The following KLF12 variants were observed in gnomAD, a reference collection of about 807,000 sequenced individuals.
KLF12 encodes KLF transcription factor 12.
A neutral mutation model predicts 37.8 loss-of-function variants in KLF12; 9 were observed. That is an observed-to-expected ratio of 0.24 (90% CI 0.14 to 0.42). KLF12 has a LOEUF of 0.42. Among genes scored for constraint, KLF12 ranks in the 10% least tolerant of loss-of-function variants. The pLI is 1.00. For missense variants in KLF12, 411 were observed against 516.0 expected (o/e 0.80, Z 1.97); for synonymous variants, 208 against 202.1 (o/e 1.03, Z -0.25).
chr13:74,191,324 C>G, the KLF12 span, among the ~76,000 whole-genome samples: 1 of 152,192 alleles, frequency 6.6e-6, no homozygotes, highest in Non-Finnish European at 1.5e-5. Context: ...GTTGCCTTAT[C>G]ACAAGATAGG....
rs1002255514 is a variant in KLF12 at position 73,790,216 on chromosome 13, G to C, written c.806+22936C>G. On this transcript the variant is annotated intron_variant, in intron 5 of 7. Transcript: ENST00000377669. ...CAATTCATAGTAGCTTCCAAAAACA[G>C]GTTGCAAATGTCTATGTCTGACTTT... Among the ~76,000 whole-genome samples, 15 of 152,244 alleles carry C rather than the reference G, an allele frequency of 9.9e-5. No individual in the cohort carries two copies. The South Asian group carries it at 1.5e-3, about 15-fold the overall frequency.
the KLF12 span, among the ~76,000 whole-genome samples, chr13:74,260,644 G>C: frequency 1.3e-5 from 2 of 148,216 alleles, no homozygotes; most frequent in African/African-American, 5.0e-5. Context: ...ATTAATTGCT[G>C]GAGAGGTACT....
intron 3 of KLF12, among the ~76,000 whole-genome samples, chr13:73,930,554 C>T (rs577314262): frequency 1.1e-3 from 169 of 152,166 alleles, no homozygotes; most frequent in Non-Finnish European, 1.9e-3. Flanking sequence ...TTCTGAATAA[C>T]GTTTGAAATG....
chr13:73,971,459 A>C (rs778221664), intron 2 of KLF12, among the ~76,000 whole-genome samples: 6 of 152,108 alleles, frequency 3.9e-5, no homozygotes, highest in Non-Finnish European at 7.4e-5. Context: ...ATGTATATAT[A>C]ATTTATTTCG....
chr13:73,753,769 G>C (rs890891576), intron 6 of KLF12, among the ~76,000 whole-genome samples: 2 of 152,062 alleles, frequency 1.3e-5, no homozygotes, highest in African/African-American at 2.4e-5. Flanking sequence ...TTAAATACAG[G>C]CTAGGAGAAA....
intron 1 of KLF12, among the ~76,000 whole-genome samples, chr13:74,043,194 C>T (rs1893453703): frequency 6.6e-6 from 1 of 152,182 alleles, no homozygotes; most frequent in African/African-American, 2.4e-5. Context: ...GTATCCCACT[C>T]ATGGTCAGAG....
intron 3 of KLF12, among the ~76,000 whole-genome samples, chr13:73,928,183 T>C (rs1466734851): frequency 1.3e-5 from 2 of 152,220 alleles, no homozygotes; most frequent in Non-Finnish European, 2.9e-5. Context: ...TCCACGATGA[T>C]TTCTGGGGAT....
chr13:74,274,403 T>C, the KLF12 span, among the ~76,000 whole-genome samples: 6 of 152,176 alleles, frequency 3.9e-5, no homozygotes, highest in Non-Finnish European at 7.4e-5. Context: ...CACATTACCA[T>C]TTTATTATAT....
the KLF12 span, among the ~76,000 whole-genome samples, chr13:74,157,274 A>C: frequency 5.3e-5 from 8 of 152,174 alleles, no homozygotes; most frequent in African/African-American, 1.9e-4. Context: ...TTTTCCAAGT[A>C]TCTCTTTATG....
At chr13:73,985,915 G>A (rs1454360253) in intron 2 of KLF12, among the ~76,000 whole-genome samples, 3 of 152,304 alleles carry the variant, frequency 2.0e-5, no homozygotes, top group East Asian at 3.9e-4. Context: ...TAGCCTATCT[G>A]TTAATTTCAA....
At chr13:74,209,516 TC>T in the KLF12 span, among the ~76,000 whole-genome samples, 1 of 101,882 alleles carries the variant, frequency 9.8e-6, no homozygotes, top group Admixed American at 1.1e-4. Flanking sequence ...GGAGATAACA[TC>T]TTAGTCACAC....
chr13:74,269,199 A>G, the KLF12 span, among the ~76,000 whole-genome samples: 1 of 152,192 alleles, frequency 6.6e-6, no homozygotes, highest in Non-Finnish European at 1.5e-5. Flanking sequence ...GGGACATGAA[A>G]TGAAGGAGTG....
At chr13:74,270,553 C>T in the KLF12 span, among the ~76,000 whole-genome samples, 2 of 152,186 alleles carry the variant, frequency 1.3e-5, no homozygotes, top group Non-Finnish European at 2.9e-5. Context: ...GTTTGGAAAA[C>T]TTTGTGTTGG....
At chr13:73,995,169 G>C in intron 1 of KLF12, 116 bp from the exon 2 acceptor site, 1 of 663,792 alleles carries the variant, frequency 1.5e-6, no homozygotes, top group Non-Finnish European at 2.6e-6. Context: ...CGTGATCATA[G>C]AGCTGAGGAA....
intron 1 of KLF12, among the ~76,000 whole-genome samples, chr13:74,077,210 G>A (rs553676924): frequency 1.5e-4 from 23 of 152,190 alleles, no homozygotes; most frequent in African/African-American, 5.5e-4. Flanking sequence ...TTAGCTCTCT[G>A]AAAAATTGCC....
chr13:74,175,477 C>A, the KLF12 span, among the ~76,000 whole-genome samples: 2 of 152,154 alleles, frequency 1.3e-5, no homozygotes, highest in African/African-American at 4.8e-5. Context: ...TCAGACTCAA[C>A]AATAAGTTGA....
At position 73,902,114 on chromosome 13, in the gene KLF12, A is replaced by T. The variant is rs924932204; in HGVS notation, c.123+41867T>A. On this transcript the variant is annotated intron_variant, in intron 3 of 7. Coordinates refer to ENST00000377669, the MANE Select transcript of KLF12 (RefSeq NM_007249.5). ...ACAGAAAATCTTAACATGCATAAAG[A>T]TAATTTAAAAAGGAAAAGAACAAAA... 2.6e-5 allele frequency among the ~76,000 whole-genome samples: 4 copies of T among 152,238 alleles called. No homozygotes were observed. The East Asian group carries it at 5.8e-4, about 22-fold the overall frequency.
intron 6 of KLF12, among the ~76,000 whole-genome samples, chr13:73,738,641 A>G (rs527508380): frequency 1.1e-4 from 16 of 152,320 alleles, no homozygotes; most frequent in African/African-American, 3.8e-4. Context: ...GGAGAAATTC[A>G]GATAGAATCT....
At chr13:73,945,336 G>A (rs1027088559) in intron 2 of KLF12, among the ~76,000 whole-genome samples, 2 of 152,148 alleles carry the variant, frequency 1.3e-5, no homozygotes, top group African/African-American at 4.8e-5. Context: ...GGGCGTGGTG[G>A]CAGGCACCTG....
Sources: allele counts gnomAD v4.1 joint callset (sites outside exome capture counted in the v4.1 genomes callset), GRCh38; gene constraint gnomAD v4.1.1; transcripts MANE v1.5; gene names NCBI Gene and HGNC (gene_info 2026-07-23, HGNC 2026-07-21).